VPS13D: variants seen among roughly 807,000 people sequenced by gnomAD.
The protein encoded by VPS13D is vacuolar protein sorting 13 homolog D, also known as intermembrane lipid transfer protein VPS13D.
A neutral mutation model predicts 461.9 loss-of-function variants in VPS13D; 187 were observed. The ratio of observed to expected loss-of-function variants is 0.40; its 90% CI spans 0.36 to 0.46. The LOEUF is 0.46. VPS13D is among the 20% of genes least tolerant of loss of function. The probability of loss-of-function intolerance (pLI) is 0.60; values close to 1 mark genes in which losing one functional copy is unlikely to be tolerated. For missense variants in VPS13D, 4,711 were observed against 5,364.9 expected (o/e 0.88, Z 3.81); for synonymous variants, 1,951 against 1,986.3 (o/e 0.98, Z 0.47).
At chr1:12,488,205 A>G (rs1302700907) in intron 67 of VPS13D, among the ~76,000 whole-genome samples, 1 of 152,234 alleles carries the variant, frequency 6.6e-6, no homozygotes, top group Non-Finnish European at 1.5e-5. Flanking sequence ...TTTTCAATGG[A>G]CTTGACACCC....
chr1:12,376,119 C>T (rs531391842), intron 55 of VPS13D, among the ~76,000 whole-genome samples: 5 of 152,274 alleles, frequency 3.3e-5, no homozygotes, highest in African/African-American at 9.6e-5. Flanking sequence ...ACAGGATAAC[C>T]GAGATGCTTT....
At chr1:12,377,058 TC>T (rs1644208276) in intron 55 of VPS13D, among the ~76,000 whole-genome samples, 2 of 151,834 alleles carry the variant, frequency 1.3e-5, no homozygotes, top group African/African-American at 4.8e-5. Flanking sequence ...TTTCTTTTTT[TC>T]TTTCTTTTTT....
intron 65 of VPS13D, among the ~76,000 whole-genome samples, chr1:12,440,782 G>A (rs560949518): frequency 4.0e-5 from 6 of 150,292 alleles, no homozygotes; most frequent in South Asian, 4.1e-4. Flanking sequence ...AGGCTGAGGC[G>A]TGACAATCAC....
At chr1:12,470,127 G>A (rs1645543171) in intron 67 of VPS13D, among the ~76,000 whole-genome samples, 1 of 152,160 alleles carries the variant, frequency 6.6e-6, no homozygotes, top group African/African-American at 2.4e-5. Context: ...TTCAAACATC[G>A]ATAATGGCAG....
chr1:12,511,998 A>T lies in VPS13D; in HGVS notation c.*2974A>T, dbSNP rs987065834. On this transcript the variant is annotated 3_prime_UTR_variant, in exon 70 of 70. Transcript: ENST00000620676. This position sits in a 1 kb window ranked among gnomAD's most constrained non-coding sequence, Gnocchi z 4.5. ...CTCTTGAGTCTGGTTCTCATATCAGAGTCATCATTTTTCTTCCTGTGGAAT... is the reference window on the plus strand; with the variant it reads ...CTCTTGAGTCTGGTTCTCATATCAGTGTCATCATTTTTCTTCCTGTGGAAT... 1 of 152,190 alleles carries T rather than the reference A, an allele frequency of 6.6e-6. No individual in the cohort carries two copies. Among genetic ancestry groups the T allele is most frequent in the African/African-American group, 2.4e-5 (1 of 41,426 alleles). 9.4% of individuals were successfully genotyped at this position (152,190 alleles called of 1,614,324 possible).
intron 5 of VPS13D, 108 bp from the exon 6 acceptor site, chr1:12,249,115 C>A: frequency 1.1e-6 from 1 of 875,208 alleles, no homozygotes; most frequent in Non-Finnish European, 1.7e-6. Flanking sequence ...TGACCCCTAA[C>A]TATAGTATTT....
intron 57 of VPS13D, among the ~76,000 whole-genome samples, chr1:12,380,016 G>A (rs1449495762): frequency 3.9e-5 from 6 of 152,070 alleles, no homozygotes; most frequent in South Asian, 2.1e-4. Flanking sequence ...TTATCCACCC[G>A]CCTTGGCCTC....
At chr1:12,440,690 G>A (rs1645119000) in intron 65 of VPS13D, among the ~76,000 whole-genome samples, 1 of 152,048 alleles carries the variant, frequency 6.6e-6, no homozygotes, top group Admixed American at 6.5e-5. Context: ...AGCCTGGCCA[G>A]CATGGCAAAA....
intron 57 of VPS13D, among the ~76,000 whole-genome samples, chr1:12,382,405 G>C (rs1440840079): frequency 1.3e-5 from 2 of 152,082 alleles, no homozygotes; most frequent in African/African-American, 4.8e-5. Flanking sequence ...CTGGCTTGAA[G>C]TTTTTCTTTT....
chr1:12,426,022 G>A (rs931846106), intron 65 of VPS13D, among the ~76,000 whole-genome samples: 5 of 152,130 alleles, frequency 3.3e-5, no homozygotes, highest in Non-Finnish European at 7.3e-5. Context: ...GTTGGGCCTT[G>A]GAATTTTCCA....
At chr1:12,395,538 A>C (rs1049845451) in intron 60 of VPS13D, among the ~76,000 whole-genome samples, 3 of 152,160 alleles carry the variant, frequency 2.0e-5, no homozygotes, top group African/African-American at 7.2e-5. Flanking sequence ...ACTCTCACTT[A>C]GGGCAATCTT....
chr1:12,374,926 C>A (rs150880922), intron 55 of VPS13D, among the ~76,000 whole-genome samples: 1 of 152,208 alleles, frequency 6.6e-6, no homozygotes, highest in East Asian at 1.9e-4. Flanking sequence ...TTAGTAGAGA[C>A]GGGGTTTCGC....
At chr1:12,338,336 A>G (rs778966316) in intron 40 of VPS13D, 31 bp downstream of exon 40, 44 of 1,602,650 alleles carry the variant, frequency 2.7e-5, no homozygotes, top group Non-Finnish European at 3.7e-5. Flanking sequence ...GGCTTGCTTT[A>G]TTTTCCTGTT....
rs754813298 is a variant in VPS13D at position 12,409,463 on chromosome 1, TAAAG to T, written c.12030+5492_12030+5495del. On this transcript the variant is annotated intron_variant, in intron 63 of 69. Coordinates refer to ENST00000620676, the MANE Select transcript of VPS13D (RefSeq NM_015378.4). The stretch of plus-strand genomic sequence containing the variant: ...TTGCACATGAAATTTTAATATATAA[TAAAG>T]AGACTTTAATTCAGTGGGGAGTATA... Among the ~76,000 whole-genome samples the T allele has an allele frequency of 2.9e-3, 440 of 152,316 alleles. 1 individual carries two copies. Among genetic ancestry groups the T allele is most frequent in the Middle Eastern group, 0.014 (4 of 294 alleles).
At chr1:12,416,447 G>C (rs1289807028) in intron 64 of VPS13D, among the ~76,000 whole-genome samples, 5 of 152,132 alleles carry the variant, frequency 3.3e-5, no homozygotes, top group Admixed American at 3.3e-4. Flanking sequence ...TATGTGTATT[G>C]GGATATGTGT....
intron 65 of VPS13D, among the ~76,000 whole-genome samples, chr1:12,428,044 T>TG (rs1388221624): frequency 2.0e-5 from 3 of 152,250 alleles, no homozygotes; most frequent in African/African-American, 4.8e-5. Flanking sequence ...TAGCAGTTTT[T>TG]GTGAGGCGGA....
intron 63 of VPS13D, among the ~76,000 whole-genome samples, chr1:12,412,397 C>T (rs983730884): frequency 2.6e-5 from 4 of 152,118 alleles, no homozygotes; most frequent in Non-Finnish European, 5.9e-5. Flanking sequence ...TTACACTATT[C>T]GATTTCAGAA....
intron 68 of VPS13D, among the ~76,000 whole-genome samples, chr1:12,503,853 G>C (rs544299171): frequency 5.3e-5 from 8 of 152,200 alleles, no homozygotes; most frequent in Non-Finnish European, 1.2e-4. Context: ...CTGGGGTTGA[G>C]ACTACAAAGC....
At chr1:12,281,521 A>G (rs1233888534) in intron 20 of VPS13D, among the ~76,000 whole-genome samples, 2 of 152,168 alleles carry the variant, frequency 1.3e-5, no homozygotes, top group Admixed American at 6.6e-5. Context: ...GTTTAGTTCT[A>G]TAGGTTTGAC....
Sources: gnomAD v4.1 joint callset for allele counts (sites outside exome capture counted in the v4.1 genomes callset) on GRCh38, gnomAD v4.1.1 for gene constraint, Gnocchi (gnomAD v3.1) non-coding constraint, MANE v1.5 for transcripts, NCBI Gene and HGNC (gene_info 2026-07-23, HGNC 2026-07-21) for gene names.